Variants in CDCA8 observed in about 807,000 individuals in gnomAD.
The protein encoded by CDCA8 is cell division cycle associated 8, also known as borealin.
Under a neutral mutation model 40.0 loss-of-function variants are expected in CDCA8, and 25 were observed. The ratio of observed to expected loss-of-function variants is 0.63; its 90% confidence interval spans 0.46 to 0.87. The LOEUF is 0.87. CDCA8 is among the 40% of genes least tolerant of loss of function. The pLI is 0.00. For synonymous variants in CDCA8, 111 were observed against 126.5 expected, an observed-to-expected ratio of 0.88 and a Z score of 0.82; for missense variants, 280 against 348.4, an observed-to-expected ratio of 0.80 and a Z score of 1.56.
intron 5 of CDCA8, 45 bp downstream of exon 5, chr1:37,700,566 A>G (rs1421099741): frequency 8.8e-7 from 1 of 1,132,562 alleles, no homozygotes; most frequent in Non-Finnish European, 1.3e-6. Context: ...TCACAAGACA[A>G]GCAAATACAA....
intron 7 of CDCA8, 140 bp downstream of exon 7, chr1:37,703,487 A>G (rs1645579076): frequency 1.2e-5 from 8 of 678,208 alleles, no homozygotes; most frequent in Non-Finnish European, 2.1e-5. Context: ...AGGCCGAGGC[A>G]GGCGGATCAC....
Position 37,692,525 on chromosome 1 carries a change from C to T in CDCA8, c.-166C>T. Reference sequence around the variant, plus strand: ...TGGGTGGCGGTTGACTGTAGAGCCGCTCTCTCTCACTGGCACAGCGAGGTT... The same window carrying T: ...TGGGTGGCGGTTGACTGTAGAGCCGTTCTCTCTCACTGGCACAGCGAGGTT... On this transcript the variant is annotated 5_prime_UTR_variant, in exon 1 of 10. Transcript: ENST00000373055. 1 of 630,876 alleles carries T rather than the reference C, an allele frequency of 1.6e-6. No individual in the cohort carries two copies. Among genetic ancestry groups the T allele is most frequent in the Non-Finnish European group, 2.9e-6 (1 of 345,956 alleles). The allele number at this position is 630,876 out of a possible 1,614,324, so 39.1% of individuals were successfully genotyped here.
chr1:37,703,477 A>G, intron 7 of CDCA8, 130 bp downstream of exon 7: 2 of 695,246 alleles, frequency 2.9e-6, no homozygotes, highest in East Asian at 2.7e-5. Context: ...GCACTTTGAG[A>G]GGCCGAGGCA....
At chr1:37,693,749 A>C (rs12038445) in intron 2 of CDCA8, among the ~76,000 whole-genome samples, 36,754 of 152,192 alleles carry the variant, frequency 0.24, 5,248 homozygotes, top group East Asian at 0.69. Flanking sequence ...TTTAAAAATG[A>C]ATGAATAAAT....
rs1215618838 is a variant in CDCA8 at position 37,705,451 on chromosome 1, A to C, written c.595A>C (p.Thr199Pro). ...ATTTTCCCATTCTAGGGTCTTCAAG[A>C]CCCCTGGCCTGCGTACTCCAGCAGC... Reference protein sequence around the residue: ...TPRFDSRVFKTPGLRTPAAGE... With the variant: ...TPRFDSRVFKPPGLRTPAAGE... The change falls in exon 8 of 10, where the codon ACC becomes CCC. Residue 199 changes from threonine (T) to proline (P), a missense_variant. Transcript: ENST00000373055. 6.2e-7 allele frequency: 1 copy of C among 1,613,756 alleles called. No homozygotes were observed. Among genetic ancestry groups the C allele is most frequent in the South Asian group, 1.1e-5 (1 of 91,054 alleles).
intron 2 of CDCA8, among the ~76,000 whole-genome samples, chr1:37,695,368 T>TAA (rs71690196): frequency 0.35 from 26,564 of 76,218 alleles, 5,386 homozygotes; most frequent in East Asian, 0.56. Context: ...CATCTCTACT[T>TAA]AAAAAAAAAA....
intron 7 of CDCA8, 87 bp from the exon 8 acceptor site, chr1:37,705,347 CTGCAACT>C (rs1490349020): frequency 8.4e-7 from 1 of 1,190,836 alleles, no homozygotes; most frequent in African/African-American, 1.5e-5. Flanking sequence ...GACTTAAAAA[CTGCAACT>C]TGAGGCCAGA....
chr1:37,698,682 G>T (rs936153887), intron 3 of CDCA8, among the ~76,000 whole-genome samples: 3 of 152,320 alleles, frequency 2.0e-5, no homozygotes, highest in Admixed American at 1.3e-4. Flanking sequence ...ATAAGAAAAT[G>T]GAACAAGGAA....
Position 37,696,162 on chromosome 1 carries a change from A to G in CDCA8, c.264+212A>G, listed in dbSNP as rs1338302031. Among the ~76,000 whole-genome samples, 4 of 152,184 alleles carry G rather than the reference A, an allele frequency of 2.6e-5. No homozygotes were observed. The highest frequency in any genetic ancestry group is 6.5e-5 in the Admixed American group (1 of 15,280). On this transcript the variant is annotated intron_variant, in intron 3 of 9. Coordinates refer to ENST00000373055, the MANE Select transcript of CDCA8 (RefSeq NM_001256875.2). This position sits in a 1 kb window ranked among gnomAD's most constrained non-coding sequence, Gnocchi z 5.0. ...AAGGTGGCAGTTCTGTTTTTGACCAATTTCTTGCAGTCCTTTGTTCTGAAC... is the reference window on the plus strand; with the variant it reads ...AAGGTGGCAGTTCTGTTTTTGACCAGTTTCTTGCAGTCCTTTGTTCTGAAC...
chr1:37,703,206 T>G, intron 6 of CDCA8, 46 bp from the exon 7 acceptor site: 1 of 1,451,364 alleles, frequency 6.9e-7, no homozygotes, highest in Non-Finnish European at 9.7e-7. Context: ...GCTGCCTTCG[T>G]GGAACCTGAG....
Position 37,703,333 on chromosome 1 carries a change from C to A in CDCA8, c.570C>A (p.Pro190=). The A allele has an allele frequency of 6.2e-7, 1 of 1,612,540 alleles. No homozygotes were observed. The highest frequency in any genetic ancestry group is 2.2e-5 in the East Asian group (1 of 44,866). The part of the protein sequence containing the change: ...SMVKPTPGLT[P]RFDSRVFKTP... ...TCAAACCAACTCCAGGCCTGACACC[C>A]AGGTTTGACTCAAGGTGAGTATCGA... The change falls in exon 7 of 10, where the codon CCC becomes CCA. Residue 190 remains proline (P), a synonymous_variant. Coordinates refer to ENST00000373055, the MANE Select transcript of CDCA8 (RefSeq NM_001256875.2).
intron 2 of CDCA8, among the ~76,000 whole-genome samples, chr1:37,693,520 T>C (rs1302220181): frequency 6.6e-6 from 1 of 152,090 alleles, no homozygotes; most frequent in Non-Finnish European, 1.5e-5. Flanking sequence ...TGCCTCAGCC[T>C]CTGGAGTGGC....
chr1:37,694,081 G>A (rs1046551836), intron 2 of CDCA8, among the ~76,000 whole-genome samples: 2 of 152,142 alleles, frequency 1.3e-5, no homozygotes, highest in Non-Finnish European at 2.9e-5. Flanking sequence ...CAGAGGTTGC[G>A]GTGAGCTGAG....
chr1:37,695,815 C>T (rs1405237915), intron 2 of CDCA8, 95 bp from the exon 3 acceptor site: 2 of 1,104,186 alleles, frequency 1.8e-6, no homozygotes, highest in Non-Finnish European at 2.7e-6. Flanking sequence ...AAGGTTAGAC[C>T]AAGGGCTGGA....
intron 2 of CDCA8, among the ~76,000 whole-genome samples, chr1:37,693,234 C>T (rs1202174885): frequency 5.8e-5 from 1 of 17,154 alleles, no homozygotes; most frequent in Non-Finnish European, 1.5e-4. Flanking sequence ...GGTTGGGGGG[C>T]GGCGGGCGGG....
chr1:37,698,902 T>C lies in CDCA8; in HGVS notation c.265-3T>C. ...TGGTGCTTTCTGGCTATGTTTGTCA[T>C]AGGCTGACCTGGATATCACCGAAAT... On this transcript the variant is annotated splice_polypyrimidine_tract_variant and splice_region_variant and intron_variant, in intron 3 of 9. Transcript: ENST00000373055. The C allele has an allele frequency of 6.2e-7, 1 of 1,610,276 alleles. No homozygotes were observed. Among genetic ancestry groups the C allele is most frequent in the African/African-American group, 1.3e-5 (1 of 74,990 alleles).
At position 37,708,560 on chromosome 1, in the gene CDCA8, C is replaced by A; in HGVS notation, c.*194C>A. The A allele has an allele frequency of 1.7e-6, 1 of 600,530 alleles. No homozygotes were observed. The allele number at this position is 600,530 out of a possible 1,614,324, so 37.2% of individuals were successfully genotyped here. A position where few individuals can be genotyped will look rare whatever the true frequency, so the allele number is the denominator to read the frequency against. On this transcript the variant is annotated 3_prime_UTR_variant, in exon 10 of 10. Coordinates refer to ENST00000373055, the MANE Select transcript of CDCA8 (RefSeq NM_001256875.2). ...CTGTCTGTTCACCCTCCCATCCCAG[C>A]TGATCCCAGTCACTGCTTGCTGGGG...
At position 37,708,472 on chromosome 1, in the gene CDCA8, G is replaced by T. The variant is rs752395591; in HGVS notation, c.*106G>T. The T allele has an allele frequency of 1.5e-5, 17 of 1,100,610 alleles. No individual in the cohort carries two copies. The highest frequency in any genetic ancestry group is 1.4e-4 in the Admixed American group (8 of 56,074). The allele number at this position is 1,100,610 out of a possible 1,614,324, so 68.2% of individuals were successfully genotyped here. The stretch of plus-strand genomic sequence containing the variant: ...TGAGTGTGAAGTTCCAGAGCAAGGA[G>T]CCATGTTCCTCTAAGGGAATTCAGG... On this transcript the variant is annotated 3_prime_UTR_variant, in exon 10 of 10. Coordinates refer to ENST00000373055, the MANE Select transcript of CDCA8 (RefSeq NM_001256875.2).
chr1:37,692,659 T>G lies in CDCA8; in HGVS notation c.-32T>G, dbSNP rs1209338251. 3 of 1,582,360 alleles carry G rather than the reference T, an allele frequency of 1.9e-6. No individual in the cohort carries two copies. Among genetic ancestry groups the G allele is most frequent in the Non-Finnish European group, 2.6e-6 (3 of 1,155,708 alleles). On this transcript the variant is annotated 5_prime_UTR_variant, in exon 1 of 10. Coordinates refer to ENST00000373055, the MANE Select transcript of CDCA8 (RefSeq NM_001256875.2). ...CAGTTTCTTGCTTCCCTGCCCCATC[T>G]CCGCCGCTCCCCGCAGCCTCCGCCG...
Sources: gnomAD v4.1 joint callset for allele counts (sites outside exome capture counted in the v4.1 genomes callset) on GRCh38, gnomAD v4.1.1 for gene constraint, Gnocchi (gnomAD v3.1) non-coding constraint, MANE v1.5 for transcripts, NCBI Gene and HGNC (gene_info 2026-07-23, HGNC 2026-07-21) for gene names.